The following LSM12 variants were observed in gnomAD, a reference collection of about 807,000 sequenced individuals.
LSM12 encodes the protein protein LSM12.
For synonymous variants in LSM12, 74 were observed against 87.3 expected (o/e 0.85, Z 0.85); for missense variants, 108 against 238.9 (o/e 0.45, Z 3.61).
chr17:44,062,906 A>C (rs2049817905), intron 2 of LSM12, among the ~76,000 whole-genome samples: 1 of 144,990 alleles, frequency 6.9e-6, no homozygotes, highest in Non-Finnish European at 1.5e-5. Flanking sequence ...GCCTGTCTCC[A>C]AAAAAAAAAA....
At chr17:44,056,517 G>A (rs1376316136) in intron 2 of LSM12, among the ~76,000 whole-genome samples, 2 of 151,930 alleles carry the variant, frequency 1.3e-5, no homozygotes, top group Non-Finnish European at 2.9e-5. Flanking sequence ...AGCTACTCAG[G>A]AGGGTAAGGC....
intron 2 of LSM12, among the ~76,000 whole-genome samples, chr17:44,054,368 G>A (rs964911701): frequency 2.0e-5 from 3 of 152,198 alleles, no homozygotes; most frequent in Admixed American, 1.3e-4. Flanking sequence ...CTGGAGTACA[G>A]TGGCATGACT....
chr17:44,064,103 T>C (rs2049836299), intron 1 of LSM12, among the ~76,000 whole-genome samples, 169 bp from the exon 2 acceptor site: 1 of 152,206 alleles, frequency 6.6e-6, no homozygotes, highest in Non-Finnish European at 1.5e-5. Flanking sequence ...GCCTGTCACC[T>C]TCCTCCTGCC....
At chr17:44,041,334 A>C (rs2340537) in intron 2 of LSM12, among the ~76,000 whole-genome samples, 46,943 of 103,678 alleles carry the variant, frequency 0.45, 11,061 homozygotes, top group Middle Eastern at 0.57. Context: ...CACACACACA[A>C]ACACACACAC....
intron 1 of LSM12, among the ~76,000 whole-genome samples, chr17:44,064,894 G>A (rs544413596): frequency 1.4e-4 from 22 of 152,268 alleles, no homozygotes; most frequent in African/African-American, 5.1e-4. Context: ...AGCACTCTGG[G>A]AGGCCGAGGC....
In LSM12 at chr17:44,057,098, G is replaced by A. The variant is rs188052707; in HGVS notation, c.258+6703C>T. Reference sequence around the variant, plus strand: ...TTTAGCACAGGAGGCGGAGGTTGCAGTGAGCTGAGATAGAGCCATGGCACT... The same window carrying A: ...TTTAGCACAGGAGGCGGAGGTTGCAATGAGCTGAGATAGAGCCATGGCACT... On this transcript the variant is annotated intron_variant, in intron 2 of 4. Coordinates refer to ENST00000293406, the MANE Select transcript of LSM12 (RefSeq NM_001371445.1). Among the ~76,000 whole-genome samples the A allele has an allele frequency of 8.5e-5, 13 of 152,126 alleles. No homozygotes were observed. The East Asian group carries it at 2.2e-3, about 25-fold the overall frequency.
chr17:44,047,007 G>C (rs1042829094), intron 2 of LSM12, among the ~76,000 whole-genome samples: 4 of 151,854 alleles, frequency 2.6e-5, no homozygotes, highest in Admixed American at 6.6e-5. Context: ...TGGGATTACA[G>C]GCGTAAGCCA....
intron 2 of LSM12, among the ~76,000 whole-genome samples, chr17:44,047,366 C>G (rs2049582475): frequency 6.6e-6 from 1 of 152,054 alleles, no homozygotes; most frequent in South Asian, 2.1e-4. Flanking sequence ...CCTGCCTCAG[C>G]CTCCAGAGTA....
rs1567955896 is a variant in LSM12 at position 44,041,329 on chromosome 17, ACACAAAC to A, written c.259-1080_259-1074del. Reference sequence around the variant, plus strand: ...CACACACACACACACACACACACACACACAAACACACACACACACACAGAATTTCCAT... The same window carrying A: ...CACACACACACACACACACACACACAACACACACACACACAGAATTTCCAT... On this transcript the variant is annotated intron_variant, in intron 2 of 4. Transcript: ENST00000293406. 6.4e-3 allele frequency among the ~76,000 whole-genome samples: 829 copies of A among 129,694 alleles called. 7 individuals carry two copies. The highest frequency in any genetic ancestry group is 0.024 in the African/African-American group (792 of 33,344). The allele number at this position is 129,694 out of a possible 152,430, so 85.1% of individuals were successfully genotyped here. A position where few individuals can be genotyped will look rare whatever the true frequency, so the allele number is the denominator to read the frequency against.
intron 2 of LSM12, among the ~76,000 whole-genome samples, chr17:44,047,793 G>A (rs2049589503): frequency 6.7e-6 from 1 of 150,056 alleles, no homozygotes; most frequent in Non-Finnish European, 1.5e-5. Context: ...GTGTTCCCTA[G>A]GCTAGTCTCA....
chr17:44,062,843 T>C (rs968059988), intron 2 of LSM12, among the ~76,000 whole-genome samples: 1 of 150,766 alleles, frequency 6.6e-6, no homozygotes, highest in Admixed American at 6.6e-5. Context: ...GGCAACAGAA[T>C]GAAACCCCGT....
chr17:44,034,400 T>C lies in LSM12; in HGVS notation c.*1808A>G, dbSNP rs976665545. Among the ~76,000 whole-genome samples, 3 of 152,084 alleles carry C rather than the reference T, an allele frequency of 2.0e-5. No individual in the cohort carries two copies. The highest frequency in any genetic ancestry group is 1.5e-5 in the Non-Finnish European group (1 of 68,008). ...CTCCAAACAGTCCTGTAACAAATGGTTCTATGTATGTGACTACAGCCTTTT... is the reference window on the plus strand; with the variant it reads ...CTCCAAACAGTCCTGTAACAAATGGCTCTATGTATGTGACTACAGCCTTTT... On this transcript the variant is annotated 3_prime_UTR_variant, in exon 5 of 5. Coordinates refer to ENST00000293406, the MANE Select transcript of LSM12 (RefSeq NM_001371445.1).
At chr17:44,064,159 C>A (rs1172211047) in intron 1 of LSM12, among the ~76,000 whole-genome samples, 1 of 152,204 alleles carries the variant, frequency 6.6e-6, no homozygotes, top group Non-Finnish European at 1.5e-5. Flanking sequence ...TTTCTCTCTA[C>A]TGGCTTTATG....
chr17:44,041,300 C>A (rs1463091032), intron 2 of LSM12, among the ~76,000 whole-genome samples: 1 of 124,978 alleles, frequency 8.0e-6, no homozygotes. Flanking sequence ...AACACACACA[C>A]ACACACACAC....
At chr17:44,061,243 G>A (rs2049791348) in intron 2 of LSM12, among the ~76,000 whole-genome samples, 1 of 151,750 alleles carries the variant, frequency 6.6e-6, no homozygotes, top group South Asian at 2.1e-4. Flanking sequence ...CTTGAACCCG[G>A]GAGGCGGAGG....
intron 2 of LSM12, among the ~76,000 whole-genome samples, chr17:44,052,933 C>G (rs757166527): frequency 3.9e-5 from 6 of 152,002 alleles, no homozygotes; most frequent in Non-Finnish European, 8.8e-5. Context: ...TACATGCTGT[C>G]TGAAAAATAA....
chr17:44,039,365 CTTTTTTTTTTTTTTT>C (rs35411238), intron 3 of LSM12, among the ~76,000 whole-genome samples: 70 of 51,090 alleles, frequency 1.4e-3, no homozygotes, highest in Non-Finnish European at 2.1e-3. Context: ...AACAAAATGT[CTTTTTTTTTTTTTTT>C]TTTTTTTTTT....
At chr17:44,062,993 T>G (rs994091134) in intron 2 of LSM12, among the ~76,000 whole-genome samples, 2 of 151,164 alleles carry the variant, frequency 1.3e-5, no homozygotes, top group African/African-American at 4.9e-5. Context: ...TCACTTAACC[T>G]GGGAGGCGGA....
intron 2 of LSM12, among the ~76,000 whole-genome samples, chr17:44,044,317 A>G (rs994487105): frequency 2.0e-5 from 3 of 152,208 alleles, no homozygotes; most frequent in Non-Finnish European, 2.9e-5. Context: ...CACTGGTTAT[A>G]GAACAATGAT....
Sources: allele counts gnomAD v4.1 joint callset (sites outside exome capture counted in the v4.1 genomes callset), GRCh38; gene constraint gnomAD v4.1.1; transcripts MANE v1.5; gene names NCBI Gene and HGNC (gene_info 2026-07-23, HGNC 2026-07-21).